The following SWT1 variants were observed in gnomAD, a reference collection of about 807,000 sequenced individuals.
SWT1 encodes the protein SWT1 RNA endoribonuclease homolog, also known as transcriptional protein SWT1.
SWT1 carries 33 observed loss-of-function variants against 107.3 expected under a neutral mutation model. The observed-to-expected ratio is 0.31, with a 90% confidence interval of 0.23 to 0.41. The LOEUF (loss-of-function observed/expected upper bound fraction) is 0.41, where lower values mean the gene tolerates loss of function less well. Ranked by LOEUF, SWT1 falls within the 10% of genes least tolerant of loss-of-function variation. The pLI is 1.00. For missense variants in SWT1, 898 were observed against 1,028.9 expected (o/e 0.87, Z 1.74); for synonymous variants, 345 against 348.3 (o/e 0.99, Z 0.11).
intron 18 of SWT1, among the ~76,000 whole-genome samples, chr1:185,278,421 A>T (rs57977436): frequency 0.52 from 78,989 of 152,044 alleles, 22,024 homozygotes; most frequent in African/African-American, 0.74. Context: ...AGCCTCCAGA[A>T]CTGTGAGAAA....
At chr1:185,213,446 A>T (rs1658981792) in intron 13 of SWT1, among the ~76,000 whole-genome samples, 1 of 152,214 alleles carries the variant, frequency 6.6e-6, no homozygotes, top group Admixed American at 6.5e-5. Flanking sequence ...CAACCATTAC[A>T]TTAGATTAGA....
At chr1:185,209,630 G>T (rs2102479992) in intron 13 of SWT1, among the ~76,000 whole-genome samples, 1 of 152,260 alleles carries the variant, frequency 6.6e-6, no homozygotes, top group East Asian at 1.9e-4. Flanking sequence ...ATCATTGAAG[G>T]GCATTTGGGT....
intron 18 of SWT1, among the ~76,000 whole-genome samples, chr1:185,283,447 A>G (rs1487618571): frequency 6.6e-6 from 1 of 152,208 alleles, no homozygotes; most frequent in African/African-American, 2.4e-5. Context: ...AGTATCTTCT[A>G]TCTTTATGAG....
At chr1:185,282,442 C>T (rs936406833) in intron 18 of SWT1, among the ~76,000 whole-genome samples, 3 of 151,806 alleles carry the variant, frequency 2.0e-5, no homozygotes, top group African/African-American at 7.3e-5. Flanking sequence ...CATGTAGCTT[C>T]TTGGGGGGCG....
intron 16 of SWT1, among the ~76,000 whole-genome samples, chr1:185,256,088 T>G (rs1662485013): frequency 6.6e-6 from 1 of 150,562 alleles, no homozygotes; most frequent in South Asian, 2.1e-4. Context: ...TTCTTTTCTT[T>G]AAGAATGTTG....
At chr1:185,224,319 C>T (rs1170900778) in intron 15 of SWT1, among the ~76,000 whole-genome samples, 2 of 152,060 alleles carry the variant, frequency 1.3e-5, no homozygotes, top group African/African-American at 4.8e-5. Context: ...CAGCCAGTAC[C>T]ATGCTGTTTT....
chr1:185,206,853 G>C, intron 13 of SWT1, 90 bp downstream of exon 13: 3 of 956,894 alleles, frequency 3.1e-6, no homozygotes, highest in Non-Finnish European at 4.4e-6. Context: ...AATTAATGAA[G>C]AATTTGTTAA....
chr1:185,221,818 G>A (rs1287407971), intron 14 of SWT1, 31 bp from the exon 15 acceptor site: 3 of 1,450,122 alleles, frequency 2.1e-6, no homozygotes, highest in Non-Finnish European at 2.8e-6. Context: ...TGAAGAACTA[G>A]CTGCATTTTA....
At chr1:185,256,517 T>G (rs1456380982) in intron 16 of SWT1, among the ~76,000 whole-genome samples, 1 of 150,362 alleles carries the variant, frequency 6.7e-6, no homozygotes. Flanking sequence ...CCTTCTCGCT[T>G]CATTTCATTC....
chr1:185,221,124 G>A (rs148686239), intron 14 of SWT1, among the ~76,000 whole-genome samples: 1 of 152,074 alleles, frequency 6.6e-6, no homozygotes, highest in East Asian at 1.9e-4. Context: ...CTATTTATTT[G>A]TATCATTCTT....
chr1:185,184,416 CT>C, intron 8 of SWT1, 72 bp downstream of exon 8: 3 of 843,650 alleles, frequency 3.6e-6, no homozygotes, highest in East Asian at 2.6e-5. Flanking sequence ...CAATGATGGG[CT>C]TTTTTTGCCA....
At chr1:185,188,714 A>G (rs139928006) in intron 9 of SWT1, among the ~76,000 whole-genome samples, 25 of 152,342 alleles carry the variant, frequency 1.6e-4, no homozygotes, top group African/African-American at 6.0e-4. Context: ...CCAGAAGTTG[A>G]GAGAAAAATG....
intron 13 of SWT1, among the ~76,000 whole-genome samples, chr1:185,214,097 T>G (rs1478167009): frequency 2.0e-5 from 3 of 152,132 alleles, no homozygotes; most frequent in African/African-American, 7.2e-5. Context: ...AGGTACCATA[T>G]ATAACTGACA....
At chr1:185,213,081 T>C (rs1558044963) in intron 13 of SWT1, among the ~76,000 whole-genome samples, 2 of 152,220 alleles carry the variant, frequency 1.3e-5, no homozygotes, top group African/African-American at 4.8e-5. Context: ...CTTTTTTTGT[T>C]GTGTCTGTAT....
chr1:185,255,565 G>C (rs1317736754), intron 16 of SWT1, among the ~76,000 whole-genome samples: 1 of 126,182 alleles, frequency 7.9e-6, no homozygotes. Flanking sequence ...GATCTTTGTT[G>C]GTTTAAAGTC....
At chr1:185,287,923 A>T (rs191520085) in intron 18 of SWT1, among the ~76,000 whole-genome samples, 336 of 152,290 alleles carry the variant, frequency 2.2e-3, no homozygotes, top group African/African-American at 7.8e-3. Flanking sequence ...GAGAAGATAG[A>T]GCTCATTTCT....
chr1:185,159,232 A>G (rs992103273), intron 1 of SWT1, among the ~76,000 whole-genome samples: 3 of 152,224 alleles, frequency 2.0e-5, no homozygotes, highest in Admixed American at 2.0e-4. Flanking sequence ...CATGATTACC[A>G]AGCATCAGGA....
chr1:185,163,190 T>C (rs910402622), intron 2 of SWT1, among the ~76,000 whole-genome samples: 1 of 152,094 alleles, frequency 6.6e-6, no homozygotes, highest in South Asian at 2.1e-4. Flanking sequence ...GATTGATCTC[T>C]GTAGCATGCA....
intron 16 of SWT1, among the ~76,000 whole-genome samples, chr1:185,254,990 C>T (rs570388135): frequency 2.7e-4 from 41 of 152,046 alleles, no homozygotes; most frequent in African/African-American, 9.9e-4. Context: ...TCTTTGTTCT[C>T]GTTGGTTTCA....
Sources: gnomAD v4.1 joint callset for allele counts (sites outside exome capture counted in the v4.1 genomes callset) on GRCh38, gnomAD v4.1.1 for gene constraint, MANE v1.5 for transcripts, NCBI Gene and HGNC (gene_info 2026-07-23, HGNC 2026-07-21) for gene names.